The following C1orf141 variants were observed in gnomAD, a reference collection of about 807,000 sequenced individuals.
The protein encoded by C1orf141 is chromosome 1 open reading frame 141.
In C1orf141, 19 loss-of-function variants were observed where a neutral mutation model predicts 23.2. The ratio of observed to expected loss-of-function variants is 0.82; its 90% CI spans 0.57 to 1.20. The LOEUF (loss-of-function observed/expected upper bound fraction) is 1.20. Ranked by LOEUF, C1orf141 falls within the 50% of genes most tolerant of loss-of-function variation. The probability of loss-of-function intolerance (pLI) is 0.00; values close to 1 mark genes in which losing one functional copy is unlikely to be tolerated. For missense variants in C1orf141, 469 were observed against 455.1 expected, an observed-to-expected ratio of 1.03 and a Z score of -0.28; for synonymous variants, 153 against 154.6, an observed-to-expected ratio of 0.99 and a Z score of 0.08.
upstream of C1orf141, among the ~76,000 whole-genome samples, chr1:67,135,862 G>A (rs1348405573): frequency 1.2e-5 from 1 of 82,316 alleles, no homozygotes; most frequent in African/African-American, 4.8e-5. Flanking sequence ...AAAAGCACCA[G>A]AATTAATCAT....
At chr1:67,129,872 A>T (rs1227463922) in intron 2 of C1orf141, among the ~76,000 whole-genome samples, 2 of 152,214 alleles carry the variant, frequency 1.3e-5, no homozygotes, top group African/African-American at 4.8e-5. Context: ...TGGTTTTATA[A>T]AACCTCTAAC....
intron 1 of C1orf141, among the ~76,000 whole-genome samples, chr1:67,141,524 G>C (rs1425752294): frequency 6.6e-6 from 1 of 152,154 alleles, no homozygotes; most frequent in East Asian, 1.9e-4. Context: ...TTGGTAAGCT[G>C]AGGTGGGAGG....
chr1:67,102,664 A>G (rs950138383), intron 5 of C1orf141: 11 of 152,030 alleles, frequency 7.2e-5, no homozygotes, highest in African/African-American at 2.7e-4. Context: ...CCTCTATTCA[A>G]TCTCAGAGGC....
At chr1:67,108,565 T>G (rs1473592611) in intron 5 of C1orf141, among the ~76,000 whole-genome samples, 1 of 152,028 alleles carries the variant, frequency 6.6e-6, no homozygotes, top group Non-Finnish European at 1.5e-5. Context: ...CCATCTCTAC[T>G]AAAAATACAA....
At chr1:67,106,690 A>T (rs897015560) in intron 5 of C1orf141, among the ~76,000 whole-genome samples, 9 of 152,100 alleles carry the variant, frequency 5.9e-5, no homozygotes, top group African/African-American at 2.2e-4. Flanking sequence ...CAAACAAACA[A>T]ACAAAAACTA....
chr1:67,121,079 T>C (rs1389576471), intron 4 of C1orf141, among the ~76,000 whole-genome samples: 1 of 152,188 alleles, frequency 6.6e-6, no homozygotes, highest in Non-Finnish European at 1.5e-5. Context: ...GGAAACAGTG[T>C]CCAGAAAGAA....
intron 3 of C1orf141, among the ~76,000 whole-genome samples, chr1:67,126,145 G>A (rs1646409582): frequency 1.3e-5 from 2 of 152,054 alleles, no homozygotes. Flanking sequence ...AAAATGTGGG[G>A]GTAGGACTTG....
At chr1:67,119,638 G>A (rs1646261758) in intron 4 of C1orf141, among the ~76,000 whole-genome samples, 1 of 152,138 alleles carries the variant, frequency 6.6e-6, no homozygotes, top group East Asian at 1.9e-4. Context: ...GTGTAACAAG[G>A]ACCAAATCAG....
chr1:67,125,996 C>T (rs987281143), intron 3 of C1orf141, 87 bp from the exon 4 acceptor site: 57 of 1,304,162 alleles, frequency 4.4e-5, no homozygotes, highest in Middle Eastern at 4.2e-4. Flanking sequence ...AAAAAAATCT[C>T]ACTTTACACA....
chr1:67,127,639 T>C (rs1646441205), intron 2 of C1orf141, among the ~76,000 whole-genome samples: 1 of 151,952 alleles, frequency 6.6e-6, no homozygotes, highest in Non-Finnish European at 1.5e-5. Flanking sequence ...CTTAATTTTG[T>C]CGTTGTTGTT....
chr1:67,113,526 C>T (rs2144654), intron 5 of C1orf141: 109,280 of 276,398 alleles, frequency 0.4, 24,014 homozygotes, highest in South Asian at 0.52. Flanking sequence ...CTACCATGCC[C>T]GGCTAATTTT....
intron 4 of C1orf141, among the ~76,000 whole-genome samples, chr1:67,117,324 G>A (rs990257507): frequency 7.2e-5 from 11 of 152,198 alleles, no homozygotes; most frequent in Admixed American, 4.6e-4. Context: ...TCGGGAGGCT[G>A]AGGCAGGAGA....
chr1:67,126,423 A>T (rs891626551), intron 3 of C1orf141, among the ~76,000 whole-genome samples: 1 of 152,230 alleles, frequency 6.6e-6, no homozygotes, highest in African/African-American at 2.4e-5. Flanking sequence ...AAAGGTGAGT[A>T]AAGGAGCCGA....
intron 1 of C1orf141, among the ~76,000 whole-genome samples, chr1:67,134,638 G>C (rs989511520): frequency 2.6e-5 from 4 of 151,666 alleles, no homozygotes; most frequent in Non-Finnish European, 4.4e-5. Flanking sequence ...CGTTTCATGG[G>C]AAAGCAAAAT....
At position 67,092,933 on chromosome 1, in the gene C1orf141, G is replaced by A; in HGVS notation, c.*72C>T. Reference sequence around the variant, plus strand: ...AATTAGAACATTACTATTTGGATAAGAATTTCTTTTATAATTTTGGAACTT... The same window carrying A: ...AATTAGAACATTACTATTTGGATAAAAATTTCTTTTATAATTTTGGAACTT... On this transcript the variant is annotated 3_prime_UTR_variant, in exon 8 of 8. Coordinates refer to ENST00000684719, the MANE Select transcript of C1orf141 (RefSeq NM_001276351.2). The A allele has an allele frequency of 1.7e-6, 2 of 1,198,382 alleles. No homozygotes were observed. The highest frequency in any genetic ancestry group is 2.4e-6 in the Non-Finnish European group (2 of 850,444). 74.2% of individuals were successfully genotyped at this position (1,198,382 alleles called of 1,614,324 possible).
chr1:67,126,158 G>A (rs1646410049), intron 3 of C1orf141, among the ~76,000 whole-genome samples: 1 of 152,132 alleles, frequency 6.6e-6, no homozygotes. Context: ...AGGACTTGAG[G>A]ATTATTAAGG....
chr1:67,120,010 G>A (rs1646268218), intron 4 of C1orf141, among the ~76,000 whole-genome samples: 1 of 152,204 alleles, frequency 6.6e-6, no homozygotes, highest in African/African-American at 2.4e-5. Context: ...CAGAGCTTCA[G>A]AGGTGAGACC....
chr1:67,113,835 C>G (rs1338446282), intron 5 of C1orf141: 2 of 517,278 alleles, frequency 3.9e-6, no homozygotes, highest in Admixed American at 2.5e-5. Context: ...TAACAGCCCT[C>G]CTGCTGAAAA....
chr1:67,132,616 T>C (rs1371207692), intron 1 of C1orf141, among the ~76,000 whole-genome samples: 1 of 152,210 alleles, frequency 6.6e-6, no homozygotes, highest in Non-Finnish European at 1.5e-5. Flanking sequence ...CCTCCGACTC[T>C]CAGCCTCAGG....
Sources: gnomAD v4.1 joint callset for allele counts (sites outside exome capture counted in the v4.1 genomes callset) on GRCh38, gnomAD v4.1.1 for gene constraint, MANE v1.5 for transcripts, NCBI Gene and HGNC (gene_info 2026-07-23, HGNC 2026-07-21) for gene names.